The following LMX1B variants were observed in gnomAD, a reference collection of about 807,000 sequenced individuals.
The protein encoded by LMX1B is LIM homeobox transcription factor 1 beta, also known as LIM homeobox transcription factor 1-beta.
In LMX1B, 12 loss-of-function variants were observed where a neutral mutation model predicts 51.4. That is an observed-to-expected ratio of 0.23 (90% CI 0.15 to 0.38). The LOEUF (loss-of-function observed/expected upper bound fraction) is 0.38. Ranked by LOEUF, LMX1B falls within the 10% of genes least tolerant of loss-of-function variation. LMX1B has a pLI of 1.00. For synonymous variants in LMX1B, 237 were observed against 235.4 expected (o/e 1.01, Z -0.06); for missense variants, 445 against 571.1 (o/e 0.78, Z 2.25).
chr9:126,682,575 G>A (rs909667703), intron 2 of LMX1B, among the ~76,000 whole-genome samples: 2 of 152,214 alleles, frequency 1.3e-5, no homozygotes, highest in South Asian at 4.1e-4. Flanking sequence ...TCCAGACAGC[G>A]CCGGCCCGCA....
chr9:126,649,997 A>C (rs1835970584), intron 2 of LMX1B, among the ~76,000 whole-genome samples: 1 of 152,118 alleles, frequency 6.6e-6, no homozygotes, highest in African/African-American at 2.4e-5. Flanking sequence ...CTGCTTGCGA[A>C]GCTTGGCACC....
chr9:126,614,719 G>A (rs1835268121), intron 1 of LMX1B, 131 bp downstream of exon 1: 1 of 1,069,008 alleles, frequency 9.4e-7, no homozygotes, highest in African/African-American at 1.6e-5. Context: ...GGCAGAGACA[G>A]GACTCCTGGA....
chr9:126,676,505 G>C (rs1208112411), intron 2 of LMX1B, among the ~76,000 whole-genome samples: 1 of 152,232 alleles, frequency 6.6e-6, no homozygotes, highest in Non-Finnish European at 1.5e-5. Flanking sequence ...CATGGGGCTT[G>C]GGACGTGCCC....
In LMX1B at chr9:126,626,311, G is replaced by A. The variant is rs1184868674; in HGVS notation, c.326+10742G>A. Among the ~76,000 whole-genome samples the A allele has an allele frequency of 6.6e-6, 1 of 152,232 alleles. No homozygotes were observed. The highest frequency in any genetic ancestry group is 1.5e-5 in the Non-Finnish European group (1 of 68,048). On this transcript the variant is annotated intron_variant, in intron 2 of 7. Transcript: ENST00000373474. This position sits in a 1 kb window ranked among gnomAD's most constrained non-coding sequence, Gnocchi z 4.3. ...GGGTGTCACCTCGTAAAAGCGACAG[G>A]CAAGGACTGTTTTATGGGGAGGGAG...
chr9:126,637,052 A>G (rs1387556566), intron 2 of LMX1B, among the ~76,000 whole-genome samples: 1 of 152,224 alleles, frequency 6.6e-6, no homozygotes, highest in Non-Finnish European at 1.5e-5. Context: ...ACCCAGCCAG[A>G]GGCCACCAGC....
intron 2 of LMX1B, among the ~76,000 whole-genome samples, chr9:126,687,960 C>T (rs1312309499): frequency 6.6e-6 from 1 of 152,178 alleles, no homozygotes; most frequent in East Asian, 1.9e-4. Flanking sequence ...TCGCTCTCAC[C>T]CCAGCACAGT....
chr9:126,631,516 C>CA (rs1835637399), intron 2 of LMX1B, among the ~76,000 whole-genome samples: 1 of 149,570 alleles, frequency 6.7e-6, no homozygotes, highest in Admixed American at 6.6e-5. Flanking sequence ...CTCGGCCGGC[C>CA]GGGATGGGGC....
chr9:126,654,624 C>T (rs557864353), intron 2 of LMX1B, among the ~76,000 whole-genome samples: 2 of 152,306 alleles, frequency 1.3e-5, no homozygotes, highest in South Asian at 2.1e-4. Flanking sequence ...CAGAATGGAG[C>T]CTTCCCCATG....
intron 2 of LMX1B, among the ~76,000 whole-genome samples, chr9:126,654,664 T>C (rs1040488385): frequency 6.6e-6 from 1 of 152,192 alleles, no homozygotes; most frequent in Non-Finnish European, 1.5e-5. Context: ...GTGACTCCAC[T>C]GCCGAGGTCT....
chr9:126,626,557 C>G lies in LMX1B; in HGVS notation c.326+10988C>G, dbSNP rs1835535501. 6.6e-6 allele frequency among the ~76,000 whole-genome samples: 1 copy of G among 152,200 alleles called. No individual in the cohort carries two copies. Among genetic ancestry groups the G allele is most frequent in the Admixed American group, 6.5e-5 (1 of 15,288 alleles). On this transcript the variant is annotated intron_variant, in intron 2 of 7. Coordinates refer to ENST00000373474, the MANE Select transcript of LMX1B (RefSeq NM_001174147.2). The surrounding 1 kb of genome is among the most constrained non-coding windows in gnomAD (Gnocchi z 4.3). Reference sequence around the variant, plus strand: ...CCCGCCCGTCCTCTCCTGGAGCCCCCTCTGCAATCCCGGCTCAGTCGGCAA... The same window carrying G: ...CCCGCCCGTCCTCTCCTGGAGCCCCGTCTGCAATCCCGGCTCAGTCGGCAA...
At chr9:126,642,210 G>GA (rs1318426167) in intron 2 of LMX1B, among the ~76,000 whole-genome samples, 1 of 152,182 alleles carries the variant, frequency 6.6e-6, no homozygotes, top group Non-Finnish European at 1.5e-5. Flanking sequence ...CCGGGCCTGG[G>GA]AAAGATTCCT....
chr9:126,624,026 G>T lies in LMX1B; in HGVS notation c.326+8457G>T, dbSNP rs1835471865. Among the ~76,000 whole-genome samples the T allele has an allele frequency of 2.0e-5, 3 of 152,230 alleles. No individual in the cohort carries two copies. The South Asian group carries it at 6.2e-4, about 31-fold the overall frequency. ...CACCAGCGGCGGTTGATGAATTTCG[G>T]TGTCACCAGGGGTTTAGCCCGGATT... On this transcript the variant is annotated intron_variant, in intron 2 of 7. Transcript: ENST00000373474.
intron 6 of LMX1B, 89 bp downstream of exon 6, chr9:126,693,901 G>C: frequency 2.9e-6 from 2 of 686,806 alleles, no homozygotes; most frequent in South Asian, 3.4e-5. Flanking sequence ...TGGGGCAGAG[G>C]CTGGGGCTGG....
At chr9:126,657,933 G>A (rs1363412383) in intron 2 of LMX1B, among the ~76,000 whole-genome samples, 17 of 152,192 alleles carry the variant, frequency 1.1e-4, no homozygotes, top group Admixed American at 1.1e-3. Context: ...CAGAAGAAGG[G>A]GTGCCTGCCT....
intron 2 of LMX1B, among the ~76,000 whole-genome samples, chr9:126,621,944 C>T (rs1835424886): frequency 6.6e-6 from 1 of 152,096 alleles, no homozygotes; most frequent in South Asian, 2.1e-4. Context: ...CCTCTCTGCC[C>T]TTTACCTTTG....
rs1372614484 is a variant in LMX1B, at chr9:126,693,977, G to C, written c.886+165G>C. ...CCAGGGCTAGGGACAAAGGGGCCCG[G>C]GATGTTTCTTTTAACAAAACTTCTC... On this transcript the variant is annotated intron_variant, in intron 6 of 7. Coordinates refer to ENST00000373474, the MANE Select transcript of LMX1B (RefSeq NM_001174147.2). 6.8e-6 allele frequency: 4 copies of C among 586,422 alleles called. No individual in the cohort carries two copies. The African/African-American group carries it at 7.6e-5, about 11-fold the overall frequency. The allele number at this position is 586,422 out of a possible 1,614,324, so 36.3% of individuals were successfully genotyped here.
chr9:126,640,183 G>A (rs559087853), intron 2 of LMX1B, among the ~76,000 whole-genome samples: 1 of 152,206 alleles, frequency 6.6e-6, no homozygotes, highest in Non-Finnish European at 1.5e-5. Flanking sequence ...GGTCCCAGAT[G>A]CCTGCTGCTT....
In LMX1B at chr9:126,671,286, C is replaced by T. The variant is rs1391585913; in HGVS notation, c.327-19550C>T. 2.6e-5 allele frequency among the ~76,000 whole-genome samples: 4 copies of T among 152,120 alleles called. No homozygotes were observed. The highest frequency in any genetic ancestry group is 9.7e-5 in the African/African-American group (4 of 41,422). On this transcript the variant is annotated intron_variant, in intron 2 of 7. Coordinates refer to ENST00000373474, the MANE Select transcript of LMX1B (RefSeq NM_001174147.2). The surrounding 1 kb of genome is among the most constrained non-coding windows in gnomAD (Gnocchi z 4.4). ...AGATGCTTTAATTTTTTAAAAGCCC[C>T]ACGTAGATGCTTTGCATTGTGAAAA... is the stretch of plus-strand genomic sequence containing the variant.
chr9:126,653,199 C>G (rs1481025546), intron 2 of LMX1B, among the ~76,000 whole-genome samples: 1 of 121,272 alleles, frequency 8.2e-6, no homozygotes, highest in Non-Finnish European at 1.6e-5. Flanking sequence ...GTCACCCGGG[C>G]TGGAGTGCAG....
Sources: allele counts gnomAD v4.1 joint callset (sites outside exome capture counted in the v4.1 genomes callset), GRCh38; gene constraint gnomAD v4.1.1; non-coding constraint Gnocchi (gnomAD v3.1); transcripts MANE v1.5; gene names NCBI Gene and HGNC (gene_info 2026-07-23, HGNC 2026-07-21).